Variants in EFR3B observed in about 807,000 individuals in gnomAD.
EFR3B encodes the protein EFR3 homolog B, also known as protein EFR3 homolog B.
Under a neutral mutation model 104.7 loss-of-function variants are expected in EFR3B, and 64 were observed. The observed-to-expected ratio is 0.61, with a 90% CI of 0.50 to 0.75. EFR3B has a LOEUF of 0.75. Ranked by LOEUF, EFR3B falls within the 30% of genes least tolerant of loss-of-function variation. The pLI is 0.00. For synonymous variants in EFR3B, 385 were observed against 417.9 expected (o/e 0.92, Z 0.96); for missense variants, 750 against 1,078.5 (o/e 0.70, Z 4.27).
chr2:25,139,681 C>T (rs553843749), intron 16 of EFR3B, among the ~76,000 whole-genome samples: 1 of 152,310 alleles, frequency 6.6e-6, no homozygotes, highest in East Asian at 1.9e-4. Context: ...ATGAAATGAA[C>T]AGTTATGAAA....
intron 1 of EFR3B, among the ~76,000 whole-genome samples, chr2:25,090,156 G>A (rs774554257): frequency 2.4e-4 from 36 of 152,254 alleles, no homozygotes; most frequent in Non-Finnish European, 4.8e-4. Flanking sequence ...TTCAAGTGGT[G>A]TGCTTGTACA....
intron 1 of EFR3B, among the ~76,000 whole-genome samples, chr2:25,061,653 C>G (rs1668200100): frequency 6.6e-6 from 1 of 151,690 alleles, no homozygotes. Flanking sequence ...GCCACCACGC[C>G]CGGCTATTTC....
intron 4 of EFR3B, among the ~76,000 whole-genome samples, chr2:25,105,520 G>A (rs932493581): frequency 2.6e-5 from 4 of 152,228 alleles, no homozygotes; most frequent in Admixed American, 2.6e-4. Flanking sequence ...TTAACCAGAA[G>A]AGAGTCTTCC....
At chr2:25,103,579 G>C (rs1050697052) in intron 3 of EFR3B, 58 bp from the exon 4 acceptor site, 20 of 1,521,238 alleles carry the variant, frequency 1.3e-5, no homozygotes, top group Non-Finnish European at 1.8e-5. Flanking sequence ...TGCATGCCCT[G>C]GTTGGGCCAT....
At position 25,080,582 on chromosome 2, in the gene EFR3B, C is replaced by T; in HGVS notation, c.8-10743C>T. The T allele has an allele frequency of 7.7e-6, 4 of 518,574 alleles. No individual in the cohort carries two copies. The South Asian group carries it at 1.1e-4, about 14-fold the overall frequency. The allele number at this position is 518,574 out of a possible 1,614,324, so 32.1% of individuals were successfully genotyped here. A position where few individuals can be genotyped will look rare whatever the true frequency, so the allele number is the denominator to read the frequency against. On this transcript the variant is annotated intron_variant, in intron 1 of 22. Coordinates refer to ENST00000403714, the MANE Select transcript of EFR3B (RefSeq NM_014971.2). ...GTGTTGGGATTACAGGCATGAGCCACCACTCCTGGCCCCTGAAGTTTTATT... is the reference window on the plus strand; with the variant it reads ...GTGTTGGGATTACAGGCATGAGCCATCACTCCTGGCCCCTGAAGTTTTATT...
intron 6 of EFR3B, 52 bp from the exon 7 acceptor site, chr2:25,129,923 C>T: frequency 1.9e-6 from 3 of 1,545,368 alleles, no homozygotes; most frequent in Admixed American, 3.9e-5. Context: ...TTGTACAGAG[C>T]CTGACCCCAG....
chr2:25,052,394 C>T (rs376198431), intron 1 of EFR3B, among the ~76,000 whole-genome samples: 1 of 151,980 alleles, frequency 6.6e-6, no homozygotes, highest in South Asian at 2.1e-4. Flanking sequence ...TAACTTCTTA[C>T]TCACTCTGTA....
At chr2:25,089,316 T>C (rs1035958201) in intron 1 of EFR3B, among the ~76,000 whole-genome samples, 1 of 152,114 alleles carries the variant, frequency 6.6e-6, no homozygotes, top group African/African-American at 2.4e-5. Flanking sequence ...GCTCTCTCCT[T>C]GACAAGCCTG....
Position 25,130,645 on chromosome 2 carries a change from C to T in EFR3B, c.849+15C>T. 1 of 1,548,970 alleles carries T rather than the reference C, an allele frequency of 6.5e-7. No individual in the cohort carries two copies. Among genetic ancestry groups the T allele is most frequent in the East Asian group, 2.4e-5 (1 of 40,906 alleles). ...ACTCAATTCAGGTATGGTGGCTCCC[C>T]TGGGCCAGCCGGATCCCAGGACAAA... is the stretch of plus-strand genomic sequence containing the variant. On this transcript the variant is annotated intron_variant, in intron 8 of 22. Transcript: ENST00000403714. This position sits in a 1 kb window ranked among gnomAD's most constrained non-coding sequence, Gnocchi z 4.6.
intron 1 of EFR3B, among the ~76,000 whole-genome samples, chr2:25,043,224 C>G (rs1268473437): frequency 6.6e-6 from 1 of 152,134 alleles, no homozygotes; most frequent in African/African-American, 2.4e-5. Context: ...CATGAAAACC[C>G]AGGTCTCTGG....
At chr2:25,140,859 G>A (rs1208595947) in intron 16 of EFR3B, among the ~76,000 whole-genome samples, 1 of 152,058 alleles carries the variant, frequency 6.6e-6, no homozygotes, top group African/African-American at 2.4e-5. Flanking sequence ...TGGCCAACAT[G>A]GTGAAACCTC....
chr2:25,054,776 T>C (rs1484948566), intron 1 of EFR3B, among the ~76,000 whole-genome samples: 2 of 152,192 alleles, frequency 1.3e-5, no homozygotes, highest in South Asian at 2.1e-4. Flanking sequence ...CCTGCAATAC[T>C]GAGGAGCCTG....
chr2:25,062,493 A>T (rs1013308155), intron 1 of EFR3B, among the ~76,000 whole-genome samples: 1 of 152,244 alleles, frequency 6.6e-6, no homozygotes, highest in Non-Finnish European at 1.5e-5. Flanking sequence ...CCGTGCAAAC[A>T]ATCCCAGGGC....
In EFR3B at chr2:25,135,543, C is replaced by T. The variant is rs199697561; in HGVS notation, c.1388C>T (p.Ala463Val). Residue 463 changes from alanine (A) to valine (V), a missense_variant, in exon 13 of 23, where the codon GCC (alanine) becomes GTC (valine). Coordinates refer to ENST00000403714, the MANE Select transcript of EFR3B (RefSeq NM_014971.2). The part of the protein sequence containing the change: ...SNFLDRLLST[A>V]LMEDAEIRLF... ...TTCCTGGACCGCCTTCTCTCCACCG[C>T]CCTCATGGAGGATGCAGAAATTCGA... 7 of 1,551,824 alleles carry T rather than the reference C, an allele frequency of 4.5e-6. No homozygotes were observed. Among genetic ancestry groups the T allele is most frequent in the Non-Finnish European group, 6.1e-6 (7 of 1,147,052 alleles).
chr2:25,087,811 A>G lies in EFR3B; in HGVS notation c.8-3514A>G, dbSNP rs137911434. ...TTTTAATCTTCATGAATTCCATTTT[A>G]TCAGTTCTTTCTGTCGTGGATTGTG... On this transcript the variant is annotated intron_variant, in intron 1 of 22. Coordinates refer to ENST00000403714, the MANE Select transcript of EFR3B (RefSeq NM_014971.2). 1.1e-3 allele frequency among the ~76,000 whole-genome samples: 162 copies of G among 152,210 alleles called. No homozygotes were observed. In the East Asian group the frequency reaches 0.015, roughly 14 times the overall value.
intron 1 of EFR3B, among the ~76,000 whole-genome samples, chr2:25,065,279 CAAGTGA>C (rs1416788737): frequency 6.6e-6 from 1 of 151,850 alleles, no homozygotes; most frequent in East Asian, 1.9e-4. Context: ...CTCCCTGGCT[CAAGTGA>C]TCCTCCCTCT....
intron 3 of EFR3B, among the ~76,000 whole-genome samples, chr2:25,099,520 C>T (rs1181542617): frequency 2.0e-5 from 3 of 150,666 alleles, no homozygotes; most frequent in Non-Finnish European, 4.4e-5. Flanking sequence ...TAAAAGTTGA[C>T]GCGGCTATTC....
At chr2:25,124,138 G>C (rs1670096502) in intron 5 of EFR3B, among the ~76,000 whole-genome samples, 1 of 152,068 alleles carries the variant, frequency 6.6e-6, no homozygotes, top group South Asian at 2.1e-4. Flanking sequence ...TTTAGACTCA[G>C]CTGACCCGGT....
At chr2:25,120,336 G>A (rs1048030028) in intron 4 of EFR3B, among the ~76,000 whole-genome samples, 4 of 149,670 alleles carry the variant, frequency 2.7e-5, no homozygotes, top group African/African-American at 1.0e-4. Flanking sequence ...GGGCAACAGA[G>A]TGAGACTTCA....
Sources: allele counts gnomAD v4.1 joint callset (sites outside exome capture counted in the v4.1 genomes callset), GRCh38; gene constraint gnomAD v4.1.1; non-coding constraint Gnocchi (gnomAD v3.1); transcripts MANE v1.5; gene names NCBI Gene and HGNC (gene_info 2026-07-23, HGNC 2026-07-21).